Variants in DAAM2 observed in about 807,000 individuals in gnomAD.
DAAM2 encodes the protein disheveled-associated activator of morphogenesis 2.
In DAAM2, 39 loss-of-function variants were observed where a neutral mutation model predicts 120.7. That is an observed-to-expected ratio of 0.32 (90% CI 0.25 to 0.42). The LOEUF (loss-of-function observed/expected upper bound fraction) is 0.42, where lower values mean the gene tolerates loss of function less well. DAAM2 is among the 10% of genes least tolerant of loss of function. The pLI is 1.00. For missense variants in DAAM2, 1,283 were observed against 1,401.7 expected (o/e 0.92, Z 1.35); for synonymous variants, 488 against 524.9 (o/e 0.93, Z 0.96).
chr6:39,867,964 C>T (rs560398166), intron 6 of DAAM2, 121 bp downstream of exon 6: 4 of 872,650 alleles, frequency 4.6e-6, no homozygotes, highest in South Asian at 1.7e-5. Flanking sequence ...ATGTGGTCTG[C>T]ATGCCTGCTC....
At chr6:39,818,196 A>AAC (rs1762369183) in intron 1 of DAAM2, among the ~76,000 whole-genome samples, 5 of 146,896 alleles carry the variant, frequency 3.4e-5, no homozygotes, top group Admixed American at 2.7e-4. Flanking sequence ...AAAAAAAAAA[A>AAC]AAAAAAAAAA....
intron 15 of DAAM2, chr6:39,886,692 T>C (rs1765396008): frequency 5.3e-6 from 2 of 379,504 alleles, no homozygotes; most frequent in South Asian, 1.5e-4. Context: ...GGCTTCTAGG[T>C]CTACTGTCTT....
At chr6:39,869,921 T>C (rs755248530) in intron 7 of DAAM2, among the ~76,000 whole-genome samples, 4 of 152,112 alleles carry the variant, frequency 2.6e-5, no homozygotes, top group Non-Finnish European at 5.9e-5. Context: ...CCACACCTCA[T>C]CAGGTAATTA....
chr6:39,809,734 T>C (rs2114052345), intron 1 of DAAM2, among the ~76,000 whole-genome samples: 1 of 152,346 alleles, frequency 6.6e-6, no homozygotes, highest in South Asian at 2.1e-4. Flanking sequence ...AAAGGGACTT[T>C]TTCCATGGTA....
At chr6:39,871,277 T>G (rs574550923) in intron 8 of DAAM2, among the ~76,000 whole-genome samples, 4 of 152,252 alleles carry the variant, frequency 2.6e-5, no homozygotes, top group Non-Finnish European at 5.9e-5. Flanking sequence ...AAGCCCATTC[T>G]AAGGTGAAGG....
Position 39,887,550 on chromosome 6 carries a change from T to C in DAAM2, c.2018T>C (p.Ile673Thr). 1.2e-6 allele frequency: 2 copies of C among 1,613,760 alleles called. No homozygotes were observed. Among genetic ancestry groups the C allele is most frequent in the Non-Finnish European group, 1.7e-6 (2 of 1,179,710 alleles). ...ASRKVKELSV[I>T]DGRRAQNCII... ...CGCAAGGTCAAAGAGCTGTCGGTCA[T>C]TGATGGCCGGAGGGCCCAAAACTGC... is the stretch of plus-strand genomic sequence containing the variant. The change falls in exon 16 of 25, where the codon ATT (isoleucine) becomes ACT (threonine). Residue 673 changes from isoleucine (I) to threonine (T), a missense_variant. This residue lies in a region of DAAM2 where 748 missense variants were observed against 768.6 expected (regional missense o/e 0.97). Transcript: ENST00000274867.
At chr6:39,891,611 G>T (rs7740344) in intron 18 of DAAM2, 23 bp from the exon 19 acceptor site, 100,985 of 1,603,022 alleles carry the variant, frequency 0.063, 4,269 homozygotes, top group African/African-American at 0.18. Context: ...GATACCTCAA[G>T]ATATGGTTCA....
At chr6:39,875,678 A>G (rs758734439) in intron 11 of DAAM2, among the ~76,000 whole-genome samples, 2 of 152,246 alleles carry the variant, frequency 1.3e-5, no homozygotes, top group Non-Finnish European at 2.9e-5. Context: ...GCTATGGAGT[A>G]CTTGACACAC....
In DAAM2 at chr6:39,901,483, G is replaced by T; in HGVS notation, c.2982+11G>T. ...CGCATGGAAGCCATGGTGAGGGGCA[G>T]TGCCAGGCCTGGGACTGAGGGGAGA... On this transcript the variant is annotated intron_variant, in intron 24 of 24. Coordinates refer to ENST00000274867, the MANE Select transcript of DAAM2 (RefSeq NM_001201427.2). The surrounding 1 kb of genome is among the most constrained non-coding windows in gnomAD (Gnocchi z 4.5). 1 of 1,600,708 alleles carries T rather than the reference G, an allele frequency of 6.2e-7. No homozygotes were observed.
chr6:39,845,514 A>AC (rs369169390), intron 1 of DAAM2, among the ~76,000 whole-genome samples: 2,468 of 150,626 alleles, frequency 0.016, 45 homozygotes, highest in African/African-American at 0.037. Context: ...AAGTACACAT[A>AC]CCACACATAT....
chr6:39,878,517 C>G lies in DAAM2; in HGVS notation c.1474C>G (p.Arg492Gly). Residue 492 changes from arginine to glycine, a missense_variant, in exon 13 of 25, where the codon CGG (arginine) becomes GGG (glycine). By Grantham distance (125) the Arg-to-Gly change is moderately radical (BLOSUM62 -2). Transcript: ENST00000274867. The surrounding 1 kb of genome is among the most constrained non-coding windows in gnomAD (Gnocchi z 5.0). ...GAACAAAATGAAGGACAAGCTGGCC[C>G]GGGAGTCCCAGGAGCTGCGCCAGGC... Reference protein sequence around the residue: ...TLNKMKDKLARESQELRQARG... With the variant: ...TLNKMKDKLAGESQELRQARG... 1 of 1,610,222 alleles carries G rather than the reference C, an allele frequency of 6.2e-7. No individual in the cohort carries two copies. The highest frequency in any genetic ancestry group is 8.5e-7 in the Non-Finnish European group (1 of 1,178,322).
intron 1 of DAAM2, among the ~76,000 whole-genome samples, chr6:39,817,544 A>C (rs78882412): frequency 6.6e-6 from 1 of 152,122 alleles, no homozygotes; most frequent in African/African-American, 2.4e-5. Context: ...GCTCTAGACC[A>C]CTAATGATGC....
In DAAM2 at chr6:39,878,080, T is replaced by C. The variant is rs1764944573; in HGVS notation, c.1302-123T>C. 6 of 962,200 alleles carry C rather than the reference T, an allele frequency of 6.2e-6. No individual in the cohort carries two copies. Among genetic ancestry groups the C allele is most frequent in the Non-Finnish European group, 9.4e-6 (6 of 636,664 alleles). The allele number at this position is 962,200 out of a possible 1,614,324, so 59.6% of individuals were successfully genotyped here. A position where few individuals can be genotyped will look rare whatever the true frequency, so the allele number is the denominator to read the frequency against. ...TGGGAAGTCTAAATCCTAGCCCCCT[T>C]GATGTGGCTGGACAGATTGGAGACC... On this transcript the variant is annotated intron_variant, in intron 11 of 24. Coordinates refer to ENST00000274867, the MANE Select transcript of DAAM2 (RefSeq NM_001201427.2). This position sits in a 1 kb window ranked among gnomAD's most constrained non-coding sequence, Gnocchi z 5.0.
In DAAM2 at chr6:39,887,499, C is replaced by T. The variant is rs1765447282; in HGVS notation, c.1967C>T (p.Ser656Phe). 5 of 1,613,180 alleles carry T rather than the reference C, an allele frequency of 3.1e-6. No individual in the cohort carries two copies. Among genetic ancestry groups the T allele is most frequent in the Middle Eastern group, 1.6e-4 (1 of 6,080 alleles). ...AYQRHQKELGSTEDIYLASRK... is the reference protein window; with the variant it reads ...AYQRHQKELGFTEDIYLASRK... The stretch of plus-strand genomic sequence containing the variant: ...TGTTGGTTGCAGAAAGAGCTGGGCT[C>T]CACTGAAGACATCTACCTGGCTTCC... The change falls in exon 16 of 25, where the codon TCC becomes TTC. Residue 656 changes from serine (S) to phenylalanine (F), a missense_variant. Ser to Phe is a radical substitution (Grantham distance 155). Transcript: ENST00000274867.
At chr6:39,812,526 A>G (rs1008562703) in intron 1 of DAAM2, among the ~76,000 whole-genome samples, 1 of 151,966 alleles carries the variant, frequency 6.6e-6, no homozygotes, top group African/African-American at 2.4e-5. Context: ...TTGACAATCG[A>G]CTGTACCTGA....
intron 19 of DAAM2, among the ~76,000 whole-genome samples, chr6:39,892,120 GT>G: frequency 6.6e-6 from 1 of 152,332 alleles, no homozygotes; most frequent in Non-Finnish European, 1.5e-5. Flanking sequence ...GGGCACGTTA[GT>G]TTAAGTGTGA....
rs1765435844 is a variant in DAAM2, at chr6:39,887,331, TATTATCCA to T, written c.1954-154_1954-147del. 4 of 580,916 alleles carry T rather than the reference TATTATCCA, an allele frequency of 6.9e-6. No individual in the cohort carries two copies. The Admixed American group carries it at 1.2e-4, about 17-fold the overall frequency. 36.0% of individuals were successfully genotyped at this position (580,916 alleles called of 1,614,324 possible). ...CCAGATACCGTCTCTTAAAGTTAGC[TATTATCCA>T]CCCTCCTCTCTCTCCTGTCTTTTTC... On this transcript the variant is annotated intron_variant, in intron 15 of 24. Coordinates refer to ENST00000274867, the MANE Select transcript of DAAM2 (RefSeq NM_001201427.2).
intron 10 of DAAM2, among the ~76,000 whole-genome samples, chr6:39,874,987 G>T (rs891563105): frequency 1.1e-4 from 16 of 152,240 alleles, no homozygotes; most frequent in African/African-American, 3.9e-4. Context: ...TGGAGCAGGT[G>T]GTTTTTATAG....
intron 1 of DAAM2, chr6:39,793,176 G>C (rs1761599453): frequency 6.6e-6 from 1 of 152,476 alleles, no homozygotes; most frequent in Non-Finnish European, 1.5e-5. Flanking sequence ...AAGGAAGAGG[G>C]GGAGGTGGTG....
Sources: allele counts gnomAD v4.1 joint callset (sites outside exome capture counted in the v4.1 genomes callset), GRCh38; gene constraint gnomAD v4.1.1; regional missense constraint gnomAD v4.1.1; non-coding constraint Gnocchi (gnomAD v3.1); transcripts MANE v1.5; gene names NCBI Gene and HGNC (gene_info 2026-07-23, HGNC 2026-07-21).